The following MECOM variants were observed in gnomAD, a reference collection of about 807,000 sequenced individuals.
MECOM encodes the protein MDS1 and EVI1 complex locus.
Under a neutral mutation model 116.3 loss-of-function variants are expected in MECOM, and 13 were observed. The ratio of observed to expected loss-of-function variants is 0.11; its 90% CI spans 0.07 to 0.18. MECOM has a LOEUF of 0.18. MECOM is among the 10% of genes least tolerant of loss of function. MECOM has a pLI of 1.00. For missense variants in MECOM, 1,299 were observed against 1,509.0 expected (o/e 0.86, Z 2.31); for synonymous variants, 528 against 535.2 (o/e 0.99, Z 0.19).
At chr3:169,563,254 TG>T (rs1191811237) in intron 1 of MECOM, among the ~76,000 whole-genome samples, 1 of 152,146 alleles carries the variant, frequency 6.6e-6, no homozygotes, top group Non-Finnish European at 1.5e-5. Flanking sequence ...TGCTCTGCCC[TG>T]GAGAACAGGC....
chr3:169,263,133 T>TG (rs1384092767), intron 2 of MECOM, among the ~76,000 whole-genome samples: 6 of 116,938 alleles, frequency 5.1e-5, no homozygotes, highest in African/African-American at 2.1e-4. Context: ...ATATATGTTT[T>TG]TTTTTTTTTT....
At chr3:169,271,780 A>T (rs188196263) in intron 2 of MECOM, among the ~76,000 whole-genome samples, 27 of 152,302 alleles carry the variant, frequency 1.8e-4, no homozygotes, top group Admixed American at 1.5e-3. Context: ...CCAGAAAAAA[A>T]TAAAGTCTGT....
At chr3:169,326,194 G>A (rs1721798787) in intron 2 of MECOM, among the ~76,000 whole-genome samples, 1 of 152,144 alleles carries the variant, frequency 6.6e-6, no homozygotes, top group Non-Finnish European at 1.5e-5. Flanking sequence ...GGATCCAGGG[G>A]ACAGAGAGAG....
chr3:169,439,526 A>C (rs1287908207), intron 1 of MECOM, among the ~76,000 whole-genome samples: 1 of 152,134 alleles, frequency 6.6e-6, no homozygotes, highest in Non-Finnish European at 1.5e-5. Flanking sequence ...ATGTGAAATC[A>C]AATGCAAATT....
At chr3:169,390,768 A>G (rs1324048221) in intron 1 of MECOM, among the ~76,000 whole-genome samples, 1 of 152,124 alleles carries the variant, frequency 6.6e-6, no homozygotes, top group Non-Finnish European at 1.5e-5. Flanking sequence ...TCTTGCCTCC[A>G]AAGGAGAGAC....
chr3:169,304,963 T>C (rs986197528), intron 2 of MECOM, among the ~76,000 whole-genome samples: 2 of 152,242 alleles, frequency 1.3e-5, no homozygotes, highest in African/African-American at 4.8e-5. Flanking sequence ...AAAACATTTG[T>C]AACGATAAGA....
intron 2 of MECOM, among the ~76,000 whole-genome samples, chr3:169,274,452 A>G (rs1346914936): frequency 6.6e-6 from 1 of 152,210 alleles, no homozygotes; most frequent in Non-Finnish European, 1.5e-5. Context: ...AATACCTACT[A>G]GCTGAATGTA....
At chr3:169,477,144 TATATACAC>T (rs1352859252) in intron 1 of MECOM, 6 of 42,416 alleles carry the variant, frequency 1.4e-4, no homozygotes, top group African/African-American at 4.3e-4. Context: ...TATATATATA[TATATACAC>T]ACACACACAA....
chr3:169,572,745 A>T (rs1459142020), intron 1 of MECOM, among the ~76,000 whole-genome samples: 2 of 152,194 alleles, frequency 1.3e-5, no homozygotes, highest in African/African-American at 4.8e-5. Context: ...CAAATATCGC[A>T]TATATTCTCA....
intron 1 of MECOM, among the ~76,000 whole-genome samples, chr3:169,397,599 T>C (rs1389620128): frequency 6.6e-6 from 1 of 152,218 alleles, no homozygotes; most frequent in East Asian, 1.9e-4. Context: ...TCCATTGCTA[T>C]GGTGCAGTTG....
At position 169,472,557 on chromosome 3, in the gene MECOM, A is replaced by AGAGAG. The variant is rs1249126506; in HGVS notation, c.38-91038_38-91034dup. Among the ~76,000 whole-genome samples the AGAGAG allele has an allele frequency of 4.7e-4, 30 of 63,268 alleles. 3 individuals carry two copies. The highest frequency in any genetic ancestry group is 2.5e-3 in the East Asian group (6 of 2,418). The allele number at this position is 63,268 out of a possible 152,430, so 41.5% of individuals were successfully genotyped here. Reference sequence around the variant, plus strand: ...GAAAAGGAAAGGAAAGGAAAAGAAAAGAGAGGAGAGGAGAGGAGAGGAGAG... The same window carrying AGAGAG: ...GAAAAGGAAAGGAAAGGAAAAGAAAAGAGAGGAGAGGAGAGGAGAGGAGAGGAGAG... On this transcript the variant is annotated intron_variant, in intron 1 of 16. Transcript: ENST00000651503.
intron 12 of MECOM, among the ~76,000 whole-genome samples, chr3:169,098,320 C>A (rs1266473893): frequency 6.6e-6 from 1 of 152,154 alleles, no homozygotes; most frequent in Non-Finnish European, 1.5e-5. Context: ...TCTAACAGTT[C>A]CTCAGTCTTT....
At chr3:169,581,571 G>C (rs1484352133) in intron 1 of MECOM, among the ~76,000 whole-genome samples, 1 of 152,074 alleles carries the variant, frequency 6.6e-6, no homozygotes, top group Non-Finnish European at 1.5e-5. Flanking sequence ...CAGCTTTCTG[G>C]TTGTTTCAAT....
chr3:169,466,484 C>A (rs555958727), intron 1 of MECOM, among the ~76,000 whole-genome samples: 1 of 152,166 alleles, frequency 6.6e-6, no homozygotes, highest in South Asian at 2.1e-4. Context: ...AAAGTGAGAT[C>A]TAAAAAGTTG....
chr3:169,516,951 G>T (rs1756705102), intron 1 of MECOM, among the ~76,000 whole-genome samples: 1 of 152,170 alleles, frequency 6.6e-6, no homozygotes, highest in Non-Finnish European at 1.5e-5. Context: ...GGTCCATGTG[G>T]ATGGTAGGAA....
At chr3:169,247,139 T>C (rs1359112083) in intron 2 of MECOM, among the ~76,000 whole-genome samples, 1 of 152,148 alleles carries the variant, frequency 6.6e-6, no homozygotes, top group African/African-American at 2.4e-5. Context: ...GCAAAAAACC[T>C]CTGAAACTTT....
At chr3:169,296,161 C>T (rs113835337) in intron 2 of MECOM, among the ~76,000 whole-genome samples, 1,663 of 152,312 alleles carry the variant, frequency 0.011, 25 homozygotes, top group Non-Finnish European at 0.016. Context: ...GCCTCCCCAG[C>T]AGTCTGTAGT....
rs555290539 is a variant in MECOM, at chr3:169,382,729, T to C, written c.38-1205A>G. 1.8e-4 allele frequency among the ~76,000 whole-genome samples: 28 copies of C among 151,450 alleles called. No homozygotes were observed. In the East Asian group the frequency reaches 5.5e-3, roughly 30 times the overall value. ...TTAGCTGAGTGTGGTGGTATGCGCCTGTAGTCCCAGCCACTTGAGAGGCTG... is the reference window on the plus strand; with the variant it reads ...TTAGCTGAGTGTGGTGGTATGCGCCCGTAGTCCCAGCCACTTGAGAGGCTG... On this transcript the variant is annotated intron_variant, in intron 1 of 16. Coordinates refer to ENST00000651503, the MANE Select transcript of MECOM (RefSeq NM_004991.4).
At chr3:169,356,710 G>A (rs1049665555) in intron 2 of MECOM, among the ~76,000 whole-genome samples, 1 of 151,878 alleles carries the variant, frequency 6.6e-6, no homozygotes, top group Admixed American at 6.6e-5. Context: ...GGTAGTGGAC[G>A]TCCCAGGCTT....
Sources: gnomAD v4.1 joint callset for allele counts (sites outside exome capture counted in the v4.1 genomes callset) on GRCh38, gnomAD v4.1.1 for gene constraint, MANE v1.5 for transcripts, NCBI Gene and HGNC (gene_info 2026-07-23, HGNC 2026-07-21) for gene names.